The following RPH3A variants were observed in gnomAD, a reference collection of about 807,000 sequenced individuals.
RPH3A encodes rabphilin 3A, also known as rabphilin-3A.
In RPH3A, 48 loss-of-function variants were observed where a neutral mutation model predicts 102.2. The ratio of observed to expected loss-of-function variants is 0.47; its 90% CI spans 0.37 to 0.60. The LOEUF (loss-of-function observed/expected upper bound fraction) is 0.60. Among genes scored for constraint, RPH3A ranks in the 20% least tolerant of loss-of-function variants. The pLI, the probability that RPH3A is intolerant of heterozygous loss-of-function variation, is 0.00. For missense variants in RPH3A, 781 were observed against 910.1 expected (o/e 0.86, Z 1.83); for synonymous variants, 310 against 324.3 (o/e 0.96, Z 0.47).
At chr12:112,744,355 C>T (rs1456125292) in intron 1 of RPH3A, among the ~76,000 whole-genome samples, 4 of 152,142 alleles carry the variant, frequency 2.6e-5, no homozygotes, top group Non-Finnish European at 4.4e-5. Context: ...GGATTACATG[C>T]GTGAGCCACC....
At chr12:112,894,547 A>G in intron 19 of RPH3A, 31 bp from the exon 20 acceptor site, 1 of 1,606,424 alleles carries the variant, frequency 6.2e-7, no homozygotes, top group South Asian at 1.1e-5. Flanking sequence ...ATTAAACGTC[A>G]TCCATAATAG....
At chr12:112,744,890 T>C (rs112255298) in intron 1 of RPH3A, among the ~76,000 whole-genome samples, 2,434 of 152,332 alleles carry the variant, frequency 0.016, 51 homozygotes, top group African/African-American at 0.055. Flanking sequence ...GGAAAAAAGA[T>C]ATTCTCTTAC....
intron 1 of RPH3A, among the ~76,000 whole-genome samples, chr12:112,760,131 G>A (rs2040846140): frequency 6.6e-6 from 1 of 152,134 alleles, no homozygotes; most frequent in Non-Finnish European, 1.5e-5. Context: ...CCCCACATCA[G>A]TTTCTAGATT....
intron 1 of RPH3A, among the ~76,000 whole-genome samples, chr12:112,596,261 C>T (rs967312754): frequency 6.6e-6 from 1 of 152,166 alleles, no homozygotes; most frequent in Non-Finnish European, 1.5e-5. Flanking sequence ...CCTACCTTAG[C>T]CTCCTGAGTA....
At chr12:112,622,343 C>A in intron 1 of RPH3A, among the ~76,000 whole-genome samples, 1 of 58,070 alleles carries the variant, frequency 1.7e-5, no homozygotes, top group Non-Finnish European at 2.9e-5. Context: ...CTAGAATAAC[C>A]AATACAGAGA....
At chr12:112,894,527 G>C in intron 19 of RPH3A, 51 bp from the exon 20 acceptor site, 1 of 1,555,104 alleles carries the variant, frequency 6.4e-7, no homozygotes, top group South Asian at 1.1e-5. Flanking sequence ...TCAAGAGGCT[G>C]TTCTTATTCA....
chr12:112,634,549 CAA>C (rs59376255), intron 1 of RPH3A, among the ~76,000 whole-genome samples: 31 of 103,868 alleles, frequency 3.0e-4, no homozygotes, highest in Middle Eastern at 5.3e-3. Flanking sequence ...GAGCAAGACT[CAA>C]AAAAAAAAAA....
intron 4 of RPH3A, among the ~76,000 whole-genome samples, chr12:112,842,656 C>T (rs1014315630): frequency 2.6e-5 from 4 of 152,198 alleles, no homozygotes; most frequent in African/African-American, 7.2e-5. Flanking sequence ...GTGAAAATGC[C>T]GGTACTCGCC....
chr12:112,600,349 T>C (rs1429228353), intron 1 of RPH3A, among the ~76,000 whole-genome samples: 1 of 152,198 alleles, frequency 6.6e-6, no homozygotes, highest in Non-Finnish European at 1.5e-5. Context: ...TTATTACCGA[T>C]AACAACCATG....
chr12:112,648,245 A>G (rs533269948), intron 1 of RPH3A, among the ~76,000 whole-genome samples: 19 of 152,116 alleles, frequency 1.2e-4, no homozygotes, highest in South Asian at 2.1e-4. Flanking sequence ...ACCTAATAAC[A>G]TAAATATGTC....
chr12:112,818,899 G>C (rs1251664189), intron 2 of RPH3A, among the ~76,000 whole-genome samples: 5 of 152,150 alleles, frequency 3.3e-5, no homozygotes, highest in Admixed American at 6.5e-5. Context: ...TCTCTCCCCA[G>C]CTCTGCCCTC....
At chr12:112,791,037 A>G (rs1388605954), upstream of RPH3A, 2 of 152,232 alleles carry the variant, frequency 1.3e-5, no homozygotes. Context: ...GAAACATTAA[A>G]TGACTTTTCC....
intron 2 of RPH3A, among the ~76,000 whole-genome samples, chr12:112,817,474 C>A (rs978274515): frequency 6.7e-6 from 1 of 149,142 alleles, no homozygotes; most frequent in Non-Finnish European, 1.5e-5. Flanking sequence ...CAGGCAGAAC[C>A]AATCCCACAG....
At chr12:112,634,216 C>T (rs1268477573) in intron 1 of RPH3A, among the ~76,000 whole-genome samples, 1 of 97,886 alleles carries the variant, frequency 1.0e-5, no homozygotes, top group South Asian at 3.3e-4. Context: ...GGCGTAGTGG[C>T]GGGCGCCTGT....
chr12:112,713,011 C>CGTCTTTG (rs1565857169), intron 1 of RPH3A, among the ~76,000 whole-genome samples: 14 of 66,606 alleles, frequency 2.1e-4, no homozygotes, highest in African/African-American at 6.9e-4. Flanking sequence ...CTTCCTCTTC[C>CGTCTTTG]TCTTCCTCTT....
rs541532163 is a variant in RPH3A, at chr12:112,597,342, G to T, written c.-140+22023G>T. 2.0e-5 allele frequency among the ~76,000 whole-genome samples: 3 copies of T among 152,222 alleles called. No homozygotes were observed. In the East Asian group the frequency reaches 5.8e-4, roughly 29 times the overall value. On this transcript the variant is annotated intron_variant, in intron 1 of 21. Transcript: ENST00000543106. ...TGATGCTTATAATCCCAGCATTTTG[G>T]GGGGCTGAGGCAGGCAGCTCACTTG... is the stretch of plus-strand genomic sequence containing the variant.
At chr12:112,722,841 A>C (rs1288318565) in intron 1 of RPH3A, among the ~76,000 whole-genome samples, 21 of 152,246 alleles carry the variant, frequency 1.4e-4, no homozygotes, top group Admixed American at 1.4e-3. Context: ...TGGGGCTGCC[A>C]TAGCAGCCTG....
chr12:112,582,137 T>C (rs773951267), intron 1 of RPH3A, among the ~76,000 whole-genome samples: 2 of 148,186 alleles, frequency 1.3e-5, no homozygotes, highest in African/African-American at 5.0e-5. Flanking sequence ...TTTTTTGATA[T>C]ATAATTTCAC....
intron 2 of RPH3A, among the ~76,000 whole-genome samples, chr12:112,798,242 C>T (rs1025227230): frequency 6.6e-6 from 1 of 152,182 alleles, no homozygotes; most frequent in Non-Finnish European, 1.5e-5. Flanking sequence ...TTTTTACCAC[C>T]CCCTGCAATT....
Sources: allele counts gnomAD v4.1 joint callset (sites outside exome capture counted in the v4.1 genomes callset), GRCh38; gene constraint gnomAD v4.1.1; transcripts MANE v1.5; gene names NCBI Gene and HGNC (gene_info 2026-07-23, HGNC 2026-07-21).